Variants in FMN2 observed in about 807,000 individuals in gnomAD.
FMN2 encodes formin-2.
FMN2 carries 51 observed loss-of-function variants against 142.3 expected under a neutral mutation model. The ratio of observed to expected loss-of-function variants is 0.36; its 90% CI spans 0.29 to 0.45. FMN2 has a LOEUF of 0.45. Ranked by LOEUF, FMN2 falls within the 20% of genes least tolerant of loss-of-function variation. FMN2 has a pLI of 1.00. For synonymous variants in FMN2, 882 were observed against 869.8 expected (o/e 1.01, Z -0.25); for missense variants, 1,936 against 2,122.8 (o/e 0.91, Z 1.73).
At chr1:240,274,861 T>A (rs1669138704) in intron 7 of FMN2, among the ~76,000 whole-genome samples, 1 of 152,106 alleles carries the variant, frequency 6.6e-6, no homozygotes, top group Non-Finnish European at 1.5e-5. Flanking sequence ...AGGTTGTCAT[T>A]GCATTTACTG....
At chr1:240,128,520 G>A (rs1662602651) in intron 2 of FMN2, among the ~76,000 whole-genome samples, 1 of 152,134 alleles carries the variant, frequency 6.6e-6, no homozygotes, top group Non-Finnish European at 1.5e-5. Context: ...ATTTTTGGAT[G>A]CATGTTTTTG....
chr1:240,171,474 A>G (rs1015318100), intron 2 of FMN2, among the ~76,000 whole-genome samples: 1 of 152,218 alleles, frequency 6.6e-6, no homozygotes, highest in Non-Finnish European at 1.5e-5. Context: ...TCTCCTCCAC[A>G]TAAATAATTG....
chr1:240,274,422 G>A (rs1316843530), intron 7 of FMN2, among the ~76,000 whole-genome samples: 1 of 152,148 alleles, frequency 6.6e-6, no homozygotes, highest in East Asian at 1.9e-4. Context: ...AGCACGATGT[G>A]AGAGTGCCTG....
chr1:240,184,057 C>A (rs1347544447), intron 3 of FMN2, among the ~76,000 whole-genome samples: 1 of 151,950 alleles, frequency 6.6e-6, no homozygotes, highest in African/African-American at 2.4e-5. Context: ...CGCTCATTGT[C>A]TTACTGTCTT....
chr1:240,093,987 C>T (rs1661111109), intron 1 of FMN2, among the ~76,000 whole-genome samples: 1 of 152,234 alleles, frequency 6.6e-6, no homozygotes. Flanking sequence ...GCCCATTTCA[C>T]CAAAATACCT....
Position 240,092,011 on chromosome 1 carries a change from G to A in FMN2, c.-99G>A. On this transcript the variant is annotated 5_prime_UTR_variant, in exon 1 of 18. An upstream open reading frame in the 5' UTR loses its in-frame stop. Transcript: ENST00000319653. ...CCAGCGGCTCCCCCCGCCGCCGCCT[G>A]ACTCTCCCGGGAGACTCCCTAGGCC... 1 of 1,390,232 alleles carries A rather than the reference G, an allele frequency of 7.2e-7. No homozygotes were observed. 86.1% of individuals were successfully genotyped at this position (1,390,232 alleles called of 1,614,324 possible). A position where few individuals can be genotyped will look rare whatever the true frequency, so the allele number is the denominator to read the frequency against.
At chr1:240,235,407 T>C (rs1572100168) in intron 6 of FMN2, among the ~76,000 whole-genome samples, 1 of 145,658 alleles carries the variant, frequency 6.9e-6, no homozygotes, top group African/African-American at 2.6e-5. Context: ...ATAATTTAAT[T>C]AATTTTTTGT....
Position 240,188,078 on chromosome 1 carries a change from GAAGA to G in FMN2, c.1931-128_1931-125del, listed in dbSNP as rs1305939210. On this transcript the variant is annotated intron_variant, in intron 3 of 17. Coordinates refer to ENST00000319653, the MANE Select transcript of FMN2 (RefSeq NM_020066.5). ...TCCTAATAACCCAGTTATATAATTGGAAGAGAGACTGGATATTTTTTGGTACTTA... is the reference window on the plus strand; with the variant it reads ...TCCTAATAACCCAGTTATATAATTGGGAGACTGGATATTTTTTGGTACTTA... 3.8e-6 allele frequency: 3 copies of G among 780,104 alleles called. No individual in the cohort carries two copies. The African/African-American group carries it at 5.3e-5, about 14-fold the overall frequency. 48.3% of individuals were successfully genotyped at this position (780,104 alleles called of 1,614,324 possible).
chr1:240,145,087 G>A, intron 2 of FMN2: 1 of 1,447,820 alleles, frequency 6.9e-7, no homozygotes, highest in Non-Finnish European at 9.7e-7. Flanking sequence ...GCAGACATTT[G>A]AGAGACTTGG....
chr1:240,357,628 A>G lies in FMN2; in HGVS notation c.4858+1720A>G, dbSNP rs151019435. 7.1e-3 allele frequency among the ~76,000 whole-genome samples: 794 copies of G among 111,498 alleles called. 3 individuals carry two copies. Among genetic ancestry groups the G allele is most frequent in the South Asian group, 0.029 (108 of 3,680 alleles). 73.1% of individuals were successfully genotyped at this position (111,498 alleles called of 152,430 possible). A position where few individuals can be genotyped will look rare whatever the true frequency, so the allele number is the denominator to read the frequency against. On this transcript the variant is annotated intron_variant, in intron 14 of 17. Transcript: ENST00000319653. ...CTTACGGGTTTTTTTTTTTTTTTTGAGACGGAGTCTCGCACTGTTACCGGG... is the reference window on the plus strand; with the variant it reads ...CTTACGGGTTTTTTTTTTTTTTTTGGGACGGAGTCTCGCACTGTTACCGGG...
chr1:240,144,533 A>G, intron 2 of FMN2: 1 of 1,447,178 alleles, frequency 6.9e-7, no homozygotes, highest in African/African-American at 1.4e-5. Context: ...GCAGGATGTG[A>G]AGATGTCTTC....
intron 3 of FMN2, among the ~76,000 whole-genome samples, chr1:240,187,763 C>T (rs1489874018): frequency 2.0e-5 from 3 of 152,080 alleles, no homozygotes; most frequent in East Asian, 1.9e-4. Flanking sequence ...TGACAGTGTT[C>T]GTTATCTCTT....
intron 6 of FMN2, among the ~76,000 whole-genome samples, chr1:240,212,277 G>C (rs893996230): frequency 1.3e-5 from 2 of 152,176 alleles, no homozygotes; most frequent in African/African-American, 4.8e-5. Context: ...GCCAAATCCA[G>C]CCAGGAGAAG....
At chr1:240,157,693 C>T (rs1481245647) in intron 2 of FMN2, among the ~76,000 whole-genome samples, 1 of 152,024 alleles carries the variant, frequency 6.6e-6, no homozygotes, top group Non-Finnish European at 1.5e-5. Context: ...ATATTTCAGG[C>T]ATTATGATTT....
chr1:240,102,844 A>AGTAAAAAG (rs1441715244), intron 1 of FMN2, among the ~76,000 whole-genome samples: 1 of 151,908 alleles, frequency 6.6e-6, no homozygotes, highest in Non-Finnish European at 1.5e-5. Context: ...ACGTGATATC[A>AGTAAAAAG]GTAAAAAGGT....
At chr1:240,197,740 A>G (rs1039582823) in intron 4 of FMN2, among the ~76,000 whole-genome samples, 1 of 147,588 alleles carries the variant, frequency 6.8e-6, no homozygotes, top group Admixed American at 6.6e-5. Context: ...CCTCAGATGC[A>G]CTTTAAGGAA....
intron 15 of FMN2, among the ~76,000 whole-genome samples, chr1:240,424,309 C>T (rs536356289): frequency 1.3e-5 from 2 of 152,198 alleles, no homozygotes; most frequent in African/African-American, 2.4e-5. Flanking sequence ...ATTCTCTTGG[C>T]AGTAGCTACT....
At chr1:240,287,044 T>A (rs1669615975) in intron 7 of FMN2, among the ~76,000 whole-genome samples, 1 of 152,156 alleles carries the variant, frequency 6.6e-6, no homozygotes. Context: ...ACAAAAGAGA[T>A]AACAAATACT....
At chr1:240,304,287 A>G (rs1052498143) in intron 8 of FMN2, among the ~76,000 whole-genome samples, 1 of 152,196 alleles carries the variant, frequency 6.6e-6, no homozygotes, top group Non-Finnish European at 1.5e-5. Flanking sequence ...GAATTTAACA[A>G]TGTAATTCTG....
Sources: allele counts gnomAD v4.1 joint callset (sites outside exome capture counted in the v4.1 genomes callset), GRCh38; gene constraint gnomAD v4.1.1; transcripts MANE v1.5; gene names NCBI Gene and HGNC (gene_info 2026-07-23, HGNC 2026-07-21).